The following EDN3 variants were observed in gnomAD, a reference collection of about 807,000 sequenced individuals.
EDN3 encodes endothelin 3.
In EDN3, 9 loss-of-function variants were observed where a neutral mutation model predicts 21.4. The observed-to-expected ratio is 0.42, with a 90% CI of 0.25 to 0.73. The LOEUF (loss-of-function observed/expected upper bound fraction) is 0.73. Among genes scored for constraint, EDN3 ranks in the 30% least tolerant of loss-of-function variants. The pLI is 0.26. For synonymous variants in EDN3, 133 were observed against 126.2 expected, an observed-to-expected ratio of 1.05 and a Z score of -0.36; for missense variants, 327 against 309.4, an observed-to-expected ratio of 1.06 and a Z score of -0.43.
At chr20:59,302,815 CTCACGG>C (rs1241092664) in intron 2 of EDN3, among the ~76,000 whole-genome samples, 2 of 152,184 alleles carry the variant, frequency 1.3e-5, no homozygotes, top group African/African-American at 2.4e-5. Flanking sequence ...ATTCAGGTTC[CTCACGG>C]TCACCTTTAT....
chr20:59,318,358 G>T (rs1216427485), intron 2 of EDN3, among the ~76,000 whole-genome samples: 1 of 152,234 alleles, frequency 6.6e-6, no homozygotes, highest in Non-Finnish European at 1.5e-5. Flanking sequence ...TAAATTAAAA[G>T]CTGGACCTGC....
At chr20:59,307,784 C>A (rs957000905) in intron 2 of EDN3, among the ~76,000 whole-genome samples, 6 of 152,128 alleles carry the variant, frequency 3.9e-5, no homozygotes, top group Non-Finnish European at 8.8e-5. Context: ...TCAATCGAAT[C>A]TCCCACCTCA....
At chr20:59,317,506 A>C (rs566481571) in intron 2 of EDN3, among the ~76,000 whole-genome samples, 23 of 152,282 alleles carry the variant, frequency 1.5e-4, no homozygotes, top group African/African-American at 5.1e-4. Context: ...GAAGTTGTTG[A>C]GAGGGTGAAG....
chr20:59,324,637 C>T lies in EDN3; in HGVS notation c.*178C>T, dbSNP rs1320160252. On this transcript the variant is annotated 3_prime_UTR_variant, in exon 5 of 5. Transcript: ENST00000337938. ...GCAAGAATGCCCAAATCCGAATGACCCCAGTTTTCCTAATGAGTAAAATGA... is the reference window on the plus strand; with the variant it reads ...GCAAGAATGCCCAAATCCGAATGACTCCAGTTTTCCTAATGAGTAAAATGA... 5.0e-6 allele frequency: 4 copies of T among 807,594 alleles called. No individual in the cohort carries two copies. The highest frequency in any genetic ancestry group is 1.7e-5 in the African/African-American group (1 of 58,638). The allele number at this position is 807,594 out of a possible 1,614,324, so 50.0% of individuals were successfully genotyped here. A position where few individuals can be genotyped will look rare whatever the true frequency, so the allele number is the denominator to read the frequency against.
At chr20:59,303,304 T>C (rs1568825955) in intron 2 of EDN3, among the ~76,000 whole-genome samples, 1 of 152,194 alleles carries the variant, frequency 6.6e-6, no homozygotes, top group Non-Finnish European at 1.5e-5. Flanking sequence ...GCTGTGAGTG[T>C]TGGGCCATCA....
chr20:59,322,947 T>G lies in EDN3; in HGVS notation c.588+530T>G, dbSNP rs1990640315. On this transcript the variant is annotated intron_variant, in intron 4 of 4. Coordinates refer to ENST00000337938, the MANE Select transcript of EDN3 (RefSeq NM_207034.3). The surrounding 1 kb of genome is among the most constrained non-coding windows in gnomAD (Gnocchi z 4.1). ...CATTGTATTATTTTTTTTAACCCAC[T>G]TGTCTTTTTTGTATGAGAGATCCTG... Among the ~76,000 whole-genome samples the G allele has an allele frequency of 6.6e-6, 1 of 152,150 alleles. No individual in the cohort carries two copies. The highest frequency in any genetic ancestry group is 1.5e-5 in the Non-Finnish European group (1 of 68,018).
At chr20:59,312,032 G>A (rs1258727694) in intron 2 of EDN3, among the ~76,000 whole-genome samples, 3 of 145,114 alleles carry the variant, frequency 2.1e-5, no homozygotes, top group Admixed American at 6.6e-5. Flanking sequence ...TCATGGTGTC[G>A]GCATTTTTTT....
chr20:59,307,322 TC>T (rs1989498692), intron 2 of EDN3, among the ~76,000 whole-genome samples: 2 of 152,196 alleles, frequency 1.3e-5, no homozygotes, highest in African/African-American at 4.8e-5. Context: ...TGACCTCATG[TC>T]ATCTCATGGG....
At chr20:59,306,874 G>C (rs1162326832) in intron 2 of EDN3, among the ~76,000 whole-genome samples, 3 of 152,126 alleles carry the variant, frequency 2.0e-5, no homozygotes, top group Non-Finnish European at 4.4e-5. Context: ...GCCAGGCGCG[G>C]TGGCTCACAC....
chr20:59,301,845 C>A, intron 2 of EDN3, 123 bp downstream of exon 2: 1 of 1,162,792 alleles, frequency 8.6e-7, no homozygotes, highest in Non-Finnish European at 1.3e-6. Flanking sequence ...CCTGGCACAG[C>A]CTTTAGCTCT....
chr20:59,316,862 C>T (rs1473013327), intron 2 of EDN3, among the ~76,000 whole-genome samples: 1 of 152,240 alleles, frequency 6.6e-6, no homozygotes, highest in East Asian at 1.9e-4. Context: ...CCAGAGATTG[C>T]GTATGTAAGT....
intron 1 of EDN3, 86 bp downstream of exon 1, chr20:59,300,950 T>C: frequency 6.7e-7 from 1 of 1,496,504 alleles, no homozygotes. Flanking sequence ...GGAGAAGATG[T>C]GCGTCGCGGG....
intron 2 of EDN3, among the ~76,000 whole-genome samples, chr20:59,308,333 G>C (rs1214340807): frequency 6.6e-6 from 1 of 152,208 alleles, no homozygotes; most frequent in Admixed American, 6.5e-5. Flanking sequence ...GTGGTTACGG[G>C]AGCAGGGCAG....
intron 4 of EDN3, chr20:59,323,849 TG>T (rs1990690247): frequency 2.1e-6 from 1 of 482,590 alleles, no homozygotes; most frequent in Non-Finnish European, 3.6e-6. Flanking sequence ...CTATGTCACA[TG>T]TTCAAAAGAT....
At position 59,324,423 on chromosome 20, in the gene EDN3, C is replaced by T; in HGVS notation, c.681C>T (p.Thr227=). 1 of 1,614,176 alleles carries T rather than the reference C, an allele frequency of 6.2e-7. No individual in the cohort carries two copies. The highest frequency in any genetic ancestry group is 8.5e-7 in the Non-Finnish European group (1 of 1,180,030). The change falls in exon 5 of 5, where the codon ACC becomes ACT. Residue 227 remains threonine, a synonymous_variant. Transcript: ENST00000337938. ...GTGGACTCGCCCTCGCTCCATCTAC[C>T]TGCCCCCGCTGCCTCTTTCAGGAAG... The part of the protein sequence containing the change: ...PGSGLALAPS[T]CPRCLFQEGA...
rs1006635379 is a variant in EDN3, at chr20:59,315,783, G to A, written c.366-5234G>A. ...GACTGGGGCAGAATGGAGGGTTTAC[G>A]CCCAGTCTCTGAGATCATTACCCGG... is the stretch of plus-strand genomic sequence containing the variant. On this transcript the variant is annotated intron_variant, in intron 2 of 4. Coordinates refer to ENST00000337938, the MANE Select transcript of EDN3 (RefSeq NM_207034.3). 2.6e-5 allele frequency among the ~76,000 whole-genome samples: 4 copies of A among 152,114 alleles called. No individual in the cohort carries two copies. In the South Asian group the frequency reaches 6.2e-4, roughly 24 times the overall value.
chr20:59,301,247 CAG>C (rs1292853209), intron 1 of EDN3, among the ~76,000 whole-genome samples, 161 bp from the exon 2 acceptor site: 1 of 152,382 alleles, frequency 6.6e-6, no homozygotes, highest in South Asian at 2.1e-4. Context: ...AAGCTTTTCA[CAG>C]AGTGTGCAGA....
intron 2 of EDN3, among the ~76,000 whole-genome samples, chr20:59,303,539 A>G (rs575722888): frequency 1.9e-4 from 29 of 152,338 alleles, no homozygotes; most frequent in Admixed American, 1.9e-3. Context: ...ATGGAATTAC[A>G]GACAGGAACC....
At chr20:59,306,015 C>A (rs1453783868) in intron 2 of EDN3, among the ~76,000 whole-genome samples, 1 of 152,166 alleles carries the variant, frequency 6.6e-6, no homozygotes, top group African/African-American at 2.4e-5. Flanking sequence ...CAGAGCCTGG[C>A]TGAAGACTGA....
Sources: allele counts gnomAD v4.1 joint callset (sites outside exome capture counted in the v4.1 genomes callset), GRCh38; gene constraint gnomAD v4.1.1; non-coding constraint Gnocchi (gnomAD v3.1); transcripts MANE v1.5; gene names NCBI Gene and HGNC (gene_info 2026-07-23, HGNC 2026-07-21).